Variants in FRMD3 observed in about 807,000 individuals in gnomAD.
FRMD3 encodes FERM domain containing 3.
Under a neutral mutation model 70.2 loss-of-function variants are expected in FRMD3, and 33 were observed. The ratio of observed to expected loss-of-function variants is 0.47; its 90% CI spans 0.36 to 0.63. FRMD3 has a LOEUF of 0.63. Ranked by LOEUF, FRMD3 falls within the 20% of genes least tolerant of loss-of-function variation. The pLI, the probability that FRMD3 is intolerant of heterozygous loss-of-function variation, is 0.00. For missense variants in FRMD3, 632 were observed against 711.4 expected, an observed-to-expected ratio of 0.89 and a Z score of 1.27; for synonymous variants, 279 against 255.9, an observed-to-expected ratio of 1.09 and a Z score of -0.86.
chr9:83,358,182 G>A (rs1824465161), intron 3 of FRMD3, among the ~76,000 whole-genome samples: 1 of 152,144 alleles, frequency 6.6e-6, no homozygotes, highest in African/African-American at 2.4e-5. Context: ...ACCATTTGTT[G>A]AACAGGGTGT....
chr9:83,337,793 G>A (rs898190891), intron 5 of FRMD3, among the ~76,000 whole-genome samples: 1 of 152,206 alleles, frequency 6.6e-6, no homozygotes, highest in East Asian at 1.9e-4. Flanking sequence ...TAAAGCTTCT[G>A]GACAAAATTC....
the FRMD3 span, among the ~76,000 whole-genome samples, chr9:83,559,350 A>G: frequency 6.6e-6 from 1 of 152,254 alleles, no homozygotes; most frequent in African/African-American, 2.4e-5. Context: ...AGTATTTTCA[A>G]TTAAGGTATG....
At chr9:83,413,348 C>T (rs1826332644) in intron 1 of FRMD3, among the ~76,000 whole-genome samples, 1 of 152,148 alleles carries the variant, frequency 6.6e-6, no homozygotes, top group Non-Finnish European at 1.5e-5. Flanking sequence ...ATGGAAGGTC[C>T]TGTCAGTGGG....
intron 3 of FRMD3, among the ~76,000 whole-genome samples, chr9:83,362,954 TCTTC>T (rs1207088233): frequency 7.2e-6 from 1 of 139,496 alleles, no homozygotes; most frequent in African/African-American, 2.6e-5. Flanking sequence ...TTGCTTTCTT[TCTTC>T]CTTCCTTCCT....
intron 1 of FRMD3, among the ~76,000 whole-genome samples, chr9:83,460,479 G>A (rs1313879430): frequency 6.6e-6 from 1 of 152,100 alleles, no homozygotes; most frequent in Non-Finnish European, 1.5e-5. Context: ...AGATCCTAGT[G>A]CAAATGCCCA....
intron 10 of FRMD3, among the ~76,000 whole-genome samples, chr9:83,303,546 G>A (rs1237274516): frequency 6.6e-6 from 1 of 152,200 alleles, no homozygotes; most frequent in African/African-American, 2.4e-5. Flanking sequence ...AAAATCCCGG[G>A]AGTGATGATG....
intron 6 of FRMD3, among the ~76,000 whole-genome samples, chr9:83,334,675 C>T (rs1823517648): frequency 1.3e-5 from 2 of 152,092 alleles, no homozygotes; most frequent in South Asian, 4.1e-4. Context: ...ACAGACTAGA[C>T]TACTTGAATT....
rs551742740 is a variant in FRMD3, at chr9:83,293,760, G to A, written c.1071-3033C>T. Among the ~76,000 whole-genome samples the A allele has an allele frequency of 2.6e-5, 4 of 152,318 alleles. No individual in the cohort carries two copies. In the South Asian group the frequency reaches 6.2e-4, roughly 24 times the overall value. ...TGGTGTAGCAGAGGCCCATGGCCAG[G>A]GACAGGGGCATATAGGACGTGCCTT... is the stretch of plus-strand genomic sequence containing the variant. On this transcript the variant is annotated intron_variant, in intron 12 of 13. Transcript: ENST00000304195.
chr9:83,351,685 C>CTAG (rs1824164182), intron 3 of FRMD3, among the ~76,000 whole-genome samples: 1 of 81,192 alleles, frequency 1.2e-5, no homozygotes, highest in East Asian at 3.9e-4. Context: ...TTGATAGTTA[C>CTAG]ATGATAGATA....
chr9:83,281,062 C>T (rs1833959651), intron 13 of FRMD3, among the ~76,000 whole-genome samples: 1 of 152,140 alleles, frequency 6.6e-6, no homozygotes, highest in Admixed American at 6.5e-5. Flanking sequence ...CACACACTGC[C>T]CAACACTTTC....
Position 83,247,150 on chromosome 9 carries a change from C to T in FRMD3, c.*768G>A. Reference sequence around the variant, plus strand: ...TGAAAAATGGACCACCCTGAGTCCACTTGATGCTCTCAGTTTCTACATCCT... The same window carrying T: ...TGAAAAATGGACCACCCTGAGTCCATTTGATGCTCTCAGTTTCTACATCCT... On this transcript the variant is annotated 3_prime_UTR_variant, in exon 14 of 14. Transcript: ENST00000304195. 2 of 985,212 alleles carry T rather than the reference C, an allele frequency of 2.0e-6. No individual in the cohort carries two copies. The highest frequency in any genetic ancestry group is 2.4e-6 in the Non-Finnish European group (2 of 829,726). The allele number at this position is 985,212 out of a possible 1,614,324, so 61.0% of individuals were successfully genotyped here. A position where few individuals can be genotyped will look rare whatever the true frequency, so the allele number is the denominator to read the frequency against.
intron 9 of FRMD3, 89 bp downstream of exon 9, chr9:83,310,396 G>T: frequency 9.8e-7 from 1 of 1,023,900 alleles, no homozygotes; most frequent in Non-Finnish European, 1.5e-6. Context: ...CATGGTCTTT[G>T]GCGACTACAA....
intron 1 of FRMD3, among the ~76,000 whole-genome samples, chr9:83,525,141 T>C (rs34982813): frequency 1.6e-3 from 241 of 152,344 alleles, no homozygotes; most frequent in Middle Eastern, 3.4e-3. Flanking sequence ...TTGGTTAATC[T>C]TGACTTTCCA....
At chr9:83,294,491 G>A (rs189059258) in intron 12 of FRMD3, among the ~76,000 whole-genome samples, 7 of 152,236 alleles carry the variant, frequency 4.6e-5, no homozygotes, top group African/African-American at 7.2e-5. Flanking sequence ...GCAAGAGCCC[G>A]CCAGCCCAAT....
At chr9:83,403,699 C>T (rs1304880932) in intron 1 of FRMD3, among the ~76,000 whole-genome samples, 1 of 152,136 alleles carries the variant, frequency 6.6e-6, no homozygotes, top group Non-Finnish European at 1.5e-5. Context: ...ATAACAGCTG[C>T]AAATTACTGA....
intron 1 of FRMD3, among the ~76,000 whole-genome samples, chr9:83,460,469 A>G (rs1827937691): frequency 6.6e-6 from 1 of 152,216 alleles, no homozygotes; most frequent in Admixed American, 6.5e-5. Context: ...TTACAAGCCC[A>G]GATCCTAGTG....
At chr9:83,467,576 A>C in intron 1 of FRMD3, 1 of 1,193,270 alleles carries the variant, frequency 8.4e-7, no homozygotes, top group Non-Finnish European at 1.2e-6. Flanking sequence ...GTTAAATAAA[A>C]GCGTACCTGA....
the FRMD3 span, among the ~76,000 whole-genome samples, chr9:83,560,256 T>C: frequency 6.6e-6 from 1 of 152,310 alleles, no homozygotes; most frequent in South Asian, 2.1e-4. Flanking sequence ...GTAATGTGAC[T>C]TGCTTTGGCC....
intron 1 of FRMD3, among the ~76,000 whole-genome samples, chr9:83,510,272 G>A (rs77740588): frequency 6.6e-6 from 1 of 152,344 alleles, no homozygotes; most frequent in East Asian, 1.9e-4. Context: ...TCAAGATGCA[G>A]ATGGAAGTTA....
Sources: gnomAD v4.1 joint callset for allele counts (sites outside exome capture counted in the v4.1 genomes callset) on GRCh38, gnomAD v4.1.1 for gene constraint, MANE v1.5 for transcripts, NCBI Gene and HGNC (gene_info 2026-07-23, HGNC 2026-07-21) for gene names.